ARL14EP: variants seen among roughly 807,000 people sequenced by gnomAD.
The protein encoded by ARL14EP is ARF like GTPase 14 effector protein, also known as ARL14 effector protein.
In ARL14EP, 12 loss-of-function variants were observed where a neutral mutation model predicts 23.1. The observed-to-expected ratio is 0.52, with a 90% CI of 0.33 to 0.84. ARL14EP has a LOEUF of 0.84. ARL14EP is among the 40% of genes least tolerant of loss of function. ARL14EP has a pLI of 0.02. For missense variants in ARL14EP, 253 were observed against 307.3 expected, an observed-to-expected ratio of 0.82 and a Z score of 1.32; for synonymous variants, 97 against 102.0, an observed-to-expected ratio of 0.95 and a Z score of 0.29.
At chr11:30,323,410 AAGCCCAGCACAGG>A (rs1947210874) in intron 1 of ARL14EP, among the ~76,000 whole-genome samples, 1 of 152,172 alleles carries the variant, frequency 6.6e-6, no homozygotes, top group Non-Finnish European at 1.5e-5. Context: ...CCTTGTGTCA[AAGCCCAGCACAGG>A]TTCTGCCGCC....
At position 30,336,770 on chromosome 11, in the gene ARL14EP, TA is replaced by T. The variant is rs1565011173; in HGVS notation, c.760del (p.Ile254PhefsTer28). ...YEQIEIEGGE[I>X]IHNKHAG The stretch of plus-strand genomic sequence containing the variant: ...CAAATTGAAATTGAAGGAGGAGAAA[TA>T]ATTCATAATAAACATGCTGGATAAT... On this transcript the variant is annotated frameshift_variant, in exon 4 of 4. Transcript: ENST00000282032. LOFTEE classifies it high-confidence loss of function. 1 of 1,614,028 alleles carries T rather than the reference TA, an allele frequency of 6.2e-7. No homozygotes were observed. The highest frequency in any genetic ancestry group is 8.5e-7 in the Non-Finnish European group (1 of 1,179,924).
Position 30,338,017 on chromosome 11 carries a change from A to C in ARL14EP, c.*1222A>C, listed in dbSNP as rs1471789562. 1 of 152,228 alleles carries C rather than the reference A, an allele frequency of 6.6e-6. No individual in the cohort carries two copies. 9.4% of individuals were successfully genotyped at this position (152,228 alleles called of 1,614,324 possible). ...TCATCATTTTCCCTATTGATTATTA[A>C]GATTGCAGGACCATTTTTATGGTCC... On this transcript the variant is annotated 3_prime_UTR_variant, in exon 4 of 4. Transcript: ENST00000282032.
At position 30,336,559 on chromosome 11, in the gene ARL14EP, T is replaced by C; in HGVS notation, c.555-8T>C. The C allele has an allele frequency of 1.2e-6, 2 of 1,603,958 alleles. No individual in the cohort carries two copies. Among genetic ancestry groups the C allele is most frequent in the South Asian group, 1.1e-5 (1 of 90,882 alleles). ...ATGAGGTATAATTCATTGTGTTTTA[T>C]TTTACAGACAAGTGATACCAGCAAA... is the stretch of plus-strand genomic sequence containing the variant. On this transcript the variant is annotated splice_region_variant and splice_polypyrimidine_tract_variant and intron_variant, in intron 3 of 3. Transcript: ENST00000282032.
At chr11:30,331,885 A>T in intron 2 of ARL14EP, 1 of 890,740 alleles carries the variant, frequency 1.1e-6, no homozygotes, top group South Asian at 5.1e-5. Flanking sequence ...ATGCTTGTGA[A>T]TTTTCTTTGC....
intron 1 of ARL14EP, among the ~76,000 whole-genome samples, chr11:30,325,894 C>T (rs2030810399): frequency 6.6e-6 from 1 of 152,140 alleles, no homozygotes; most frequent in Admixed American, 6.5e-5. Flanking sequence ...TTTTGCATTG[C>T]TGTTGGTTAT....
intron 1 of ARL14EP, chr11:30,328,632 A>G (rs1266552583): frequency 1.3e-5 from 2 of 152,162 alleles, no homozygotes; most frequent in African/African-American, 4.8e-5. Context: ...TTTATTTTTT[A>G]ACTTTGTAAA....
At chr11:30,325,702 T>A (rs940453622) in intron 1 of ARL14EP, among the ~76,000 whole-genome samples, 1 of 152,180 alleles carries the variant, frequency 6.6e-6, no homozygotes, top group African/African-American at 2.4e-5. Context: ...GTTAAAAGAT[T>A]ATTAAAATAG....
rs1489658956 is a variant in ARL14EP at position 30,337,756 on chromosome 11, T to C, written c.*961T>C. Reference sequence around the variant, plus strand: ...CAAACTTAGAAGGAGTATGGCAGTTTGCCGTGAACATAAAAGATGCTTACT... The same window carrying C: ...CAAACTTAGAAGGAGTATGGCAGTTCGCCGTGAACATAAAAGATGCTTACT... On this transcript the variant is annotated 3_prime_UTR_variant, in exon 4 of 4. Coordinates refer to ENST00000282032, the MANE Select transcript of ARL14EP (RefSeq NM_152316.3). 6.6e-6 allele frequency: 1 copy of C among 152,234 alleles called. No individual in the cohort carries two copies. The highest frequency in any genetic ancestry group is 2.4e-5 in the African/African-American group (1 of 41,460). The allele number at this position is 152,234 out of a possible 1,614,324, so 9.4% of individuals were successfully genotyped here.
intron 2 of ARL14EP, chr11:30,331,616 A>G: frequency 1.5e-6 from 2 of 1,360,300 alleles, no homozygotes. Flanking sequence ...CCAAGCTACA[A>G]CTTTTAGTGC....
intron 1 of ARL14EP, among the ~76,000 whole-genome samples, chr11:30,324,029 G>C (rs1389561232): frequency 6.6e-6 from 1 of 151,998 alleles, no homozygotes. Context: ...TCTCCTCTTT[G>C]CCTTTGGGCC....
chr11:30,331,389 C>T lies in ARL14EP; in HGVS notation c.426+15C>T, dbSNP rs1220926014. ...CTGAGTCAGATGTATGTGTAATAGTCATTTTTTTCTACATTGTGAATTCTA... is the reference window on the plus strand; with the variant it reads ...CTGAGTCAGATGTATGTGTAATAGTTATTTTTTTCTACATTGTGAATTCTA... On this transcript the variant is annotated intron_variant, in intron 2 of 3. Coordinates refer to ENST00000282032, the MANE Select transcript of ARL14EP (RefSeq NM_152316.3). The T allele has an allele frequency of 6.2e-7, 1 of 1,613,570 alleles. No individual in the cohort carries two copies. Among genetic ancestry groups the T allele is most frequent in the Non-Finnish European group, 8.5e-7 (1 of 1,179,740 alleles).
intron 3 of ARL14EP, among the ~76,000 whole-genome samples, chr11:30,334,445 C>A (rs567463906): frequency 3.4e-4 from 51 of 151,966 alleles, no homozygotes; most frequent in African/African-American, 1.2e-3. Flanking sequence ...CGATCTCCTG[C>A]CCTCGTGATC....
chr11:30,325,029 G>A (rs1240603631), intron 1 of ARL14EP, among the ~76,000 whole-genome samples: 2 of 152,204 alleles, frequency 1.3e-5, no homozygotes, highest in African/African-American at 4.8e-5. Flanking sequence ...GGACTTAGGA[G>A]AGACTTTATT....
chr11:30,323,287 C>CG (rs764126835), intron 1 of ARL14EP, 85 bp downstream of exon 1: 1 of 153,104 alleles, frequency 6.5e-6, no homozygotes, highest in African/African-American at 2.4e-5. Context: ...GGCGGCGTAA[C>CG]GGGGGAACCC....
At chr11:30,323,419 A>C (rs1947210998) in intron 1 of ARL14EP, among the ~76,000 whole-genome samples, 1 of 152,160 alleles carries the variant, frequency 6.6e-6, no homozygotes, top group African/African-American at 2.4e-5. Flanking sequence ...AAAGCCCAGC[A>C]CAGGTTCTGC....
chr11:30,330,981 T>C lies in ARL14EP; in HGVS notation c.33T>C (p.Leu11=). 1 of 1,613,856 alleles carries C rather than the reference T, an allele frequency of 6.2e-7. No individual in the cohort carries two copies. The change falls in exon 2 of 4, where the codon CTT becomes CTC. Residue 11 remains leucine (L), a synonymous_variant. Coordinates refer to ENST00000282032, the MANE Select transcript of ARL14EP (RefSeq NM_152316.3). MMDPCSVGVQ[L]RTTNECHKTY... ...ATCCATGTTCAGTTGGAGTCCAGCT[T>C]CGTACTACAAATGAGTGCCATAAAA...
Position 30,331,153 on chromosome 11 carries a change from G to C in ARL14EP, c.205G>C (p.Glu69Gln). ...HHVKIYIDRF[E>Q]DLQKSCCDPF... Reference sequence around the variant, plus strand: ...TGTAAAAATTTACATTGACAGATTTGAGGATTTACAGAAGTCATGTTGTGA... The same window carrying C: ...TGTAAAAATTTACATTGACAGATTTCAGGATTTACAGAAGTCATGTTGTGA... The change falls in exon 2 of 4, where the codon GAG becomes CAG. Residue 69 changes from glutamate to glutamine, a missense_variant. Glu to Gln is a conservative substitution (Grantham distance 29). Transcript: ENST00000282032. 1 of 1,613,908 alleles carries C rather than the reference G, an allele frequency of 6.2e-7. No individual in the cohort carries two copies. The highest frequency in any genetic ancestry group is 8.5e-7 in the Non-Finnish European group (1 of 1,179,826).
chr11:30,330,702 G>T, intron 1 of ARL14EP, 184 bp from the exon 2 acceptor site: 1 of 424,234 alleles, frequency 2.4e-6, no homozygotes, highest in Non-Finnish European at 4.3e-6. Flanking sequence ...AGATGTTTTC[G>T]TGAAGTTCTG....
chr11:30,336,457 C>A, intron 3 of ARL14EP, 110 bp from the exon 4 acceptor site: 2 of 989,420 alleles, frequency 2.0e-6, no homozygotes, highest in Non-Finnish European at 1.5e-6. Flanking sequence ...ATGATTTTGG[C>A]ATGACCTCAT....
Sources: allele counts gnomAD v4.1 joint callset (sites outside exome capture counted in the v4.1 genomes callset), GRCh38; gene constraint gnomAD v4.1.1; transcripts MANE v1.5; gene names NCBI Gene and HGNC (gene_info 2026-07-23, HGNC 2026-07-21).